NCKAP5: variants seen among roughly 807,000 people sequenced by gnomAD.
The protein encoded by NCKAP5 is nck-associated protein 5.
Under a neutral mutation model 167.0 loss-of-function variants are expected in NCKAP5, and 92 were observed. The observed-to-expected ratio is 0.55, with a 90% CI of 0.47 to 0.66. The LOEUF (loss-of-function observed/expected upper bound fraction) is 0.66, where lower values mean the gene tolerates loss of function less well. Ranked by LOEUF, NCKAP5 falls within the 30% of genes least tolerant of loss-of-function variation. The probability of loss-of-function intolerance (pLI) is 0.00; values close to 1 mark genes in which losing one functional copy is unlikely to be tolerated. For missense variants in NCKAP5, 2,378 were observed against 2,315.0 expected, an observed-to-expected ratio of 1.03 and a Z score of -0.56; for synonymous variants, 891 against 877.4, an observed-to-expected ratio of 1.02 and a Z score of -0.27.
intron 19 of NCKAP5, among the ~76,000 whole-genome samples, chr2:132,696,378 C>T (rs1269504793): frequency 2.6e-5 from 4 of 152,164 alleles, no homozygotes; most frequent in Non-Finnish European, 5.9e-5. Flanking sequence ...CTAATTGGCC[C>T]TTGTGGAGAG....
chr2:133,067,313 A>G (rs564348920), intron 6 of NCKAP5, among the ~76,000 whole-genome samples: 2 of 152,354 alleles, frequency 1.3e-5, no homozygotes, highest in South Asian at 4.1e-4. Flanking sequence ...TCCAACTAAG[A>G]TATTCTAATG....
intron 16 of NCKAP5, among the ~76,000 whole-genome samples, chr2:132,767,291 G>A (rs1681586405): frequency 6.6e-6 from 1 of 151,856 alleles, no homozygotes; most frequent in Non-Finnish European, 1.5e-5. Flanking sequence ...TTGTTGCCCA[G>A]GCTGGAGTGC....
intron 4 of NCKAP5, among the ~76,000 whole-genome samples, chr2:133,288,894 A>G (rs1195549783): frequency 1.3e-5 from 2 of 152,188 alleles, no homozygotes; most frequent in African/African-American, 4.8e-5. Context: ...CAACTGGCCT[A>G]CCTAGATGAC....
At chr2:133,354,532 T>C (rs565252172) in intron 3 of NCKAP5, among the ~76,000 whole-genome samples, 1 of 152,292 alleles carries the variant, frequency 6.6e-6, no homozygotes, top group African/African-American at 2.4e-5. Context: ...TTCTTAGCAG[T>C]TGGTCTGACA....
At chr2:133,584,963 A>AAGGAAGGC in the NCKAP5 span, among the ~76,000 whole-genome samples, 1 of 148,554 alleles carries the variant, frequency 6.7e-6, no homozygotes, top group Middle Eastern at 3.4e-3. Context: ...GGAAGGAAGG[A>AAGGAAGGC]AGGAAGGAAG....
At chr2:133,537,395 T>C (rs532520448) in intron 2 of NCKAP5, among the ~76,000 whole-genome samples, 119 of 152,238 alleles carry the variant, frequency 7.8e-4, no homozygotes, top group Non-Finnish European at 1.3e-3. Context: ...TGGGGAGTAG[T>C]GCCATCTTAA....
At position 133,130,104 on chromosome 2, in the gene NCKAP5, T is replaced by C. The variant is rs35356262; in HGVS notation, c.215A>G (p.Lys72Arg). 3.3e-4 allele frequency: 534 copies of C among 1,608,482 alleles called. 4 individuals are homozygous for C. In the African/African-American group the frequency reaches 6.8e-3, roughly 20 times the overall value. The part of the protein sequence containing the change: ...QRTSEGAMHE[K>R]LIHELEEERH... ...CTCCTCTTCCAGTTCATGTATCAGCTTCTCATGCTATAAAAGACACAAAGG... is the reference window on the plus strand; with the variant it reads ...CTCCTCTTCCAGTTCATGTATCAGCCTCTCATGCTATAAAAGACACAAAGG... Residue 72 changes from lysine to arginine, a missense_variant, in exon 6 of 20, where the codon AAG (lysine) becomes AGG (arginine). Transcript: ENST00000409261.
rs74601917 is a variant in NCKAP5 at position 133,319,917 on chromosome 2, A to T, written c.70-16807T>A. On this transcript the variant is annotated intron_variant, in intron 3 of 19. Transcript: ENST00000409261. ...ACACTCAAGAATAAGGCTAGTTAAC[A>T]TGAAAAGAACCCTCATTTTTATGAC... is the stretch of plus-strand genomic sequence containing the variant. Among the ~76,000 whole-genome samples the T allele has an allele frequency of 7.5e-3, 1,142 of 152,320 alleles. 23 individuals carry two copies. The highest frequency in any genetic ancestry group is 0.073 in the South Asian group (351 of 4,826).
intron 4 of NCKAP5, among the ~76,000 whole-genome samples, chr2:133,246,539 TG>T (rs1010653222): frequency 1.3e-5 from 2 of 152,132 alleles, no homozygotes; most frequent in Non-Finnish European, 2.9e-5. Context: ...CTGGAATCAG[TG>T]GGTAAGACAT....
chr2:133,603,281 C>T, the NCKAP5 span, among the ~76,000 whole-genome samples: 3 of 144,780 alleles, frequency 2.1e-5, no homozygotes, highest in African/African-American at 2.7e-5. Flanking sequence ...GGCTGAAGTG[C>T]GATGGCGCAA....
the NCKAP5 span, among the ~76,000 whole-genome samples, chr2:133,619,767 C>A: frequency 6.6e-6 from 1 of 152,054 alleles, no homozygotes; most frequent in East Asian, 1.9e-4. Context: ...CTGGTAAATT[C>A]ATTGTAAAAA....
At chr2:132,765,712 T>C (rs1292074684) in intron 16 of NCKAP5, among the ~76,000 whole-genome samples, 1 of 152,186 alleles carries the variant, frequency 6.6e-6, no homozygotes, top group African/African-American at 2.4e-5. Flanking sequence ...AGATGCTAGA[T>C]GTCCCTAATA....
rs546138793 is a variant in NCKAP5, at chr2:133,250,807, G to T, written c.144-37028C>A. Among the ~76,000 whole-genome samples the T allele has an allele frequency of 7.2e-4, 109 of 152,172 alleles. 1 individual carries two copies. The highest frequency in any genetic ancestry group is 2.5e-3 in the African/African-American group (102 of 41,518). On this transcript the variant is annotated intron_variant, in intron 4 of 19. Transcript: ENST00000409261. ...TAGTTGTGCATGATGGCACAAACCTGTAGTCTCAGCTACTTGGGAGGCTGA... is the reference window on the plus strand; with the variant it reads ...TAGTTGTGCATGATGGCACAAACCTTTAGTCTCAGCTACTTGGGAGGCTGA...
intron 3 of NCKAP5, among the ~76,000 whole-genome samples, chr2:133,465,006 CTT>C (rs11314518): frequency 1.4e-5 from 2 of 143,590 alleles, no homozygotes; most frequent in African/African-American, 2.6e-5. Flanking sequence ...ACTGCTTTTG[CTT>C]TTTTTTTTTA....
chr2:133,339,330 G>A (rs1559397023), intron 3 of NCKAP5, among the ~76,000 whole-genome samples: 1 of 147,724 alleles, frequency 6.8e-6, no homozygotes, highest in Non-Finnish European at 1.5e-5. Flanking sequence ...AGTCACTGGG[G>A]AAAAAAAAAA....
intron 3 of NCKAP5, among the ~76,000 whole-genome samples, chr2:133,373,373 C>T (rs58113991): frequency 0.011 from 1,623 of 152,148 alleles, 37 homozygotes; most frequent in African/African-American, 0.034. Flanking sequence ...TATATATGTA[C>T]TATCTACAGG....
chr2:133,188,738 A>G (rs2085067633), intron 5 of NCKAP5, among the ~76,000 whole-genome samples: 1 of 152,282 alleles, frequency 6.6e-6, no homozygotes, highest in South Asian at 2.1e-4. Flanking sequence ...GAAATCAATG[A>G]GAACAAAGAC....
At chr2:132,835,166 T>C (rs6729213) in intron 11 of NCKAP5, among the ~76,000 whole-genome samples, 13,377 of 152,190 alleles carry the variant, frequency 0.088, 923 homozygotes, top group African/African-American at 0.19. Context: ...ATAAAACCTA[T>C]TTAATTGTGG....
intron 5 of NCKAP5, among the ~76,000 whole-genome samples, chr2:133,198,782 T>A (rs915425000): frequency 6.6e-6 from 1 of 152,160 alleles, no homozygotes; most frequent in Non-Finnish European, 1.5e-5. Context: ...ATTGACAAGC[T>A]GTTTCCAATA....
Sources: allele counts gnomAD v4.1 joint callset (sites outside exome capture counted in the v4.1 genomes callset), GRCh38; gene constraint gnomAD v4.1.1; transcripts MANE v1.5; gene names NCBI Gene and HGNC (gene_info 2026-07-23, HGNC 2026-07-21).